Variants in MACROH2A1 observed in about 807,000 individuals in gnomAD.
The protein encoded by MACROH2A1 is macroH2A.1 histone, also known as core histone macro-H2A.1.
In MACROH2A1, 2 loss-of-function variants were observed where a neutral mutation model predicts 31.6. That is an observed-to-expected ratio of 0.06 (90% CI 0.03 to 0.20). The LOEUF (loss-of-function observed/expected upper bound fraction) is 0.20. Among genes scored for constraint, MACROH2A1 ranks in the 10% least tolerant of loss-of-function variants. The probability of loss-of-function intolerance (pLI) is 1.00; values close to 1 mark genes in which losing one functional copy is unlikely to be tolerated. For synonymous variants in MACROH2A1, 169 were observed against 189.6 expected (o/e 0.89, Z 0.89); for missense variants, 230 against 474.0 (o/e 0.49, Z 4.78).
At chr5:135,350,667 T>C (rs1313835964) in intron 6 of MACROH2A1, 2 of 534,570 alleles carry the variant, frequency 3.7e-6, no homozygotes, top group African/African-American at 1.9e-5. Context: ...GCTAGCTTTA[T>C]TACTCAGGTT....
rs6858944 is a variant in MACROH2A1, at chr5:135,392,188, T to C, written c.-33-3062A>G. ...TTGTGGACATGACCACAGCCTGGAA[T>C]TGCTCACTGCTCCATGTTCCCATAG... On this transcript the variant is annotated intron_variant, in intron 1 of 8. Coordinates refer to ENST00000511689, the MANE Select transcript of MACROH2A1 (RefSeq NM_138610.3). Among the ~76,000 whole-genome samples, 1,094 of 152,308 alleles carry C rather than the reference T, an allele frequency of 7.2e-3. 12 individuals carry two copies. The highest frequency in any genetic ancestry group is 0.025 in the African/African-American group (1,052 of 41,562).
At chr5:135,360,376 C>T (rs543236895) in intron 5 of MACROH2A1, 121 bp downstream of exon 5, 6 of 686,582 alleles carry the variant, frequency 8.7e-6, no homozygotes, top group South Asian at 8.4e-5. Context: ...TCACAGCCCA[C>T]TCTGTCTACC....
intron 2 of MACROH2A1, among the ~76,000 whole-genome samples, chr5:135,386,312 C>T (rs961703643): frequency 2.6e-5 from 4 of 152,206 alleles, no homozygotes; most frequent in Non-Finnish European, 5.9e-5. Flanking sequence ...GCATTAACTG[C>T]TCAGAACATC....
intron 5 of MACROH2A1, chr5:135,354,913 C>G (rs890220701): frequency 5.4e-6 from 2 of 369,738 alleles, no homozygotes; most frequent in Non-Finnish European, 5.3e-6. Flanking sequence ...GTGAGGAAGG[C>G]AGGCAAAGGA....
At chr5:135,359,020 A>G (rs189055288) in intron 5 of MACROH2A1, 19 of 985,242 alleles carry the variant, frequency 1.9e-5, no homozygotes, top group Non-Finnish European at 2.0e-5. Flanking sequence ...TCACAGCAAC[A>G]AGAAGGGCAT....
chr5:135,352,685 T>C (rs1761723642), intron 6 of MACROH2A1, among the ~76,000 whole-genome samples: 1 of 152,366 alleles, frequency 6.6e-6, no homozygotes, highest in South Asian at 2.1e-4. Context: ...AGCAGTCAGT[T>C]TGATCATTAT....
At chr5:135,384,333 G>A (rs956061056) in intron 2 of MACROH2A1, among the ~76,000 whole-genome samples, 1 of 152,210 alleles carries the variant, frequency 6.6e-6, no homozygotes, top group African/African-American at 2.4e-5. Flanking sequence ...GCTGAAACTT[G>A]GGATGAGGAC....
chr5:135,340,683 C>A (rs1472272138), intron 8 of MACROH2A1, among the ~76,000 whole-genome samples: 1 of 152,252 alleles, frequency 6.6e-6, no homozygotes, highest in Non-Finnish European at 1.5e-5. Context: ...TCTTTCCCAA[C>A]ATGCTTACCT....
chr5:135,382,515 C>T (rs771133204), intron 2 of MACROH2A1, among the ~76,000 whole-genome samples: 27 of 152,232 alleles, frequency 1.8e-4, no homozygotes, highest in Non-Finnish European at 2.4e-4. Flanking sequence ...GATCATAGAC[C>T]TAAATGTAGA....
At position 135,375,911 on chromosome 5, in the gene MACROH2A1, G is replaced by A. The variant is rs578235036; in HGVS notation, c.173-5769C>T. Among the ~76,000 whole-genome samples, 4 of 152,290 alleles carry A rather than the reference G, an allele frequency of 2.6e-5. No individual in the cohort carries two copies. In the South Asian group the frequency reaches 6.2e-4, roughly 24 times the overall value. ...ACCCAATCAACCCCAATCGGAAGGT[G>A]ACTGCTAAGAGCTTCCTGCATTCTG... On this transcript the variant is annotated intron_variant, in intron 2 of 8. Transcript: ENST00000511689.
intron 1 of MACROH2A1, among the ~76,000 whole-genome samples, chr5:135,392,358 T>C (rs1389956832): frequency 6.6e-6 from 1 of 152,224 alleles, no homozygotes; most frequent in Non-Finnish European, 1.5e-5. Flanking sequence ...ACATCTTCAC[T>C]TCTCATTCTG....
intron 4 of MACROH2A1, among the ~76,000 whole-genome samples, chr5:135,364,880 A>T (rs746195072): frequency 1.3e-5 from 2 of 152,172 alleles, no homozygotes; most frequent in African/African-American, 2.4e-5. Flanking sequence ...ATTCCTCAAC[A>T]AGAGAAAGAG....
At chr5:135,345,024 G>T in intron 7 of MACROH2A1, 1 of 152,372 alleles carries the variant, frequency 6.6e-6, no homozygotes, top group Non-Finnish European at 1.5e-5. Context: ...AACTGTGTAT[G>T]CCTTCCCTTG....
intron 4 of MACROH2A1, among the ~76,000 whole-genome samples, chr5:135,364,048 T>C (rs1450356252): frequency 6.6e-6 from 1 of 152,250 alleles, no homozygotes; most frequent in Non-Finnish European, 1.5e-5. Flanking sequence ...TTAAGTTCTT[T>C]GTAGATTCTG....
chr5:135,364,717 T>A lies in MACROH2A1; in HGVS notation c.478-4110A>T, dbSNP rs144425622. On this transcript the variant is annotated intron_variant, in intron 4 of 8. Transcript: ENST00000511689. The stretch of plus-strand genomic sequence containing the variant: ...GTAAAATCATCACCCCATGTTTACC[T>A]ATGTTTAGTCTCTTATTCTAATGTT... Among the ~76,000 whole-genome samples the A allele has an allele frequency of 6.3e-3, 956 of 152,358 alleles. 10 individuals are homozygous for A. The highest frequency in any genetic ancestry group is 0.017 in the Middle Eastern group (5 of 294).
chr5:135,339,595 G>A (rs989030084), intron 8 of MACROH2A1, among the ~76,000 whole-genome samples: 1 of 152,190 alleles, frequency 6.6e-6, no homozygotes, highest in African/African-American at 2.4e-5. Context: ...AGTAGAGGTG[G>A]ATTCTGGTAT....
intron 1 of MACROH2A1, among the ~76,000 whole-genome samples, chr5:135,394,830 G>A (rs703253): frequency 0.031 from 4,773 of 152,228 alleles, 97 homozygotes; most frequent in East Asian, 0.051. Context: ...CCTGGCACCC[G>A]GTAGACATGC....
At chr5:135,376,264 G>C (rs1484755122) in intron 2 of MACROH2A1, among the ~76,000 whole-genome samples, 1 of 152,178 alleles carries the variant, frequency 6.6e-6, no homozygotes, top group Non-Finnish European at 1.5e-5. Context: ...GGAGGAGCCA[G>C]GGGTCTCAGA....
chr5:135,372,635 T>C (rs1390601052), intron 2 of MACROH2A1, among the ~76,000 whole-genome samples: 2 of 152,246 alleles, frequency 1.3e-5, no homozygotes, highest in Non-Finnish European at 2.9e-5. Flanking sequence ...TTGGCCTTCA[T>C]TCTCCTGTGT....
Sources: allele counts gnomAD v4.1 joint callset (sites outside exome capture counted in the v4.1 genomes callset), GRCh38; gene constraint gnomAD v4.1.1; transcripts MANE v1.5; gene names NCBI Gene and HGNC (gene_info 2026-07-23, HGNC 2026-07-21).